NUMB: variants seen among roughly 807,000 people sequenced by gnomAD.
NUMB encodes the protein protein numb homolog.
NUMB carries 29 observed loss-of-function variants against 59.7 expected under a neutral mutation model. The ratio of observed to expected loss-of-function variants is 0.49; its 90% CI spans 0.36 to 0.66. The LOEUF (loss-of-function observed/expected upper bound fraction) is 0.66, where lower values mean the gene tolerates loss of function less well. Ranked by LOEUF, NUMB falls within the 30% of genes least tolerant of loss-of-function variation. The pLI is 0.00. For missense variants in NUMB, 723 were observed against 822.0 expected, an observed-to-expected ratio of 0.88 and a Z score of 1.47; for synonymous variants, 288 against 288.2, an observed-to-expected ratio of 1.00 and a Z score of 0.01.
intron 5 of NUMB, 34 bp downstream of exon 5, chr14:73,323,096 T>C (rs17126859): frequency 0.026 from 39,924 of 1,510,704 alleles, 2,627 homozygotes; most frequent in African/African-American, 0.18. Context: ...ATTGATAGCA[T>C]ATAGATCAAC....
At chr14:73,314,772 T>C (rs993524571) in intron 6 of NUMB, among the ~76,000 whole-genome samples, 1 of 152,024 alleles carries the variant, frequency 6.6e-6, no homozygotes, top group Admixed American at 6.6e-5. Flanking sequence ...TTATTAAAAC[T>C]AGTCACTTGA....
intron 2 of NUMB, among the ~76,000 whole-genome samples, chr14:73,372,279 A>G (rs10143634): frequency 0.049 from 6,616 of 136,230 alleles, 263 homozygotes; most frequent in East Asian, 0.14. Context: ...CTTAGCAAAC[A>G]AAGTTGGAAT....
At chr14:73,436,704 G>C (rs1185483347) in intron 1 of NUMB, among the ~76,000 whole-genome samples, 2 of 152,000 alleles carry the variant, frequency 1.3e-5, no homozygotes, top group Admixed American at 6.6e-5. Context: ...CTCTTGGCCG[G>C]GCGCGGTGGC....
At position 73,367,279 on chromosome 14, in the gene NUMB, C is replaced by CTATATATATATATA. The variant is rs748523624; in HGVS notation, c.-100-312_-100-299dup. Among the ~76,000 whole-genome samples the CTATATATATATATA allele has an allele frequency of 1.1e-4, 13 of 122,568 alleles. 1 individual carries two copies. The highest frequency in any genetic ancestry group is 4.3e-4 in the African/African-American group (11 of 25,512). 80.4% of individuals were successfully genotyped at this position (122,568 alleles called of 152,430 possible). A position where few individuals can be genotyped will look rare whatever the true frequency, so the allele number is the denominator to read the frequency against. On this transcript the variant is annotated intron_variant, in intron 2 of 12. Coordinates refer to ENST00000555238, the MANE Select transcript of NUMB (RefSeq NM_001005743.2). ...ATTATTCAATCTTTGAAATAAAATACTATATATATATATATATACACACAC... is the reference window on the plus strand; with the variant it reads ...ATTATTCAATCTTTGAAATAAAATACTATATATATATATATATATATATATATATATACACACAC...
At chr14:73,423,793 G>A (rs2140156233) in intron 1 of NUMB, among the ~76,000 whole-genome samples, 1 of 151,840 alleles carries the variant, frequency 6.6e-6, no homozygotes, top group Non-Finnish European at 1.5e-5. Flanking sequence ...CTGGGCGTCA[G>A]AGCAAGATTC....
chr14:73,444,001 G>C (rs1411328589), intron 1 of NUMB, among the ~76,000 whole-genome samples: 5 of 151,668 alleles, frequency 3.3e-5, no homozygotes, highest in African/African-American at 4.8e-5. Flanking sequence ...ACCACTTCCC[G>C]GGTTCAAGTG....
intron 6 of NUMB, among the ~76,000 whole-genome samples, chr14:73,314,948 A>C (rs948350823): frequency 6.6e-6 from 1 of 152,154 alleles, no homozygotes; most frequent in African/African-American, 2.4e-5. Context: ...CTACACAGGA[A>C]ATAATAAGAT....
At chr14:73,364,302 G>A (rs1337603363) in intron 3 of NUMB, among the ~76,000 whole-genome samples, 4 of 151,966 alleles carry the variant, frequency 2.6e-5, no homozygotes, top group African/African-American at 4.8e-5. Context: ...TCAGGAGTTC[G>A]AGACCAGCCT....
intron 4 of NUMB, among the ~76,000 whole-genome samples, chr14:73,351,536 CA>C (rs200496652): frequency 0.038 from 5,795 of 151,900 alleles, 158 homozygotes; most frequent in Non-Finnish European, 0.061. Context: ...ATACTTAACA[CA>C]AAAAATGCTT....
chr14:73,355,201 C>T (rs1893717327), intron 4 of NUMB, among the ~76,000 whole-genome samples: 1 of 152,058 alleles, frequency 6.6e-6, no homozygotes, highest in Admixed American at 6.6e-5. Context: ...AGGAAAACTC[C>T]CTTTGATTTA....
rs528397413 is a variant in NUMB at position 73,340,426 on chromosome 14, G to C, written c.126+15200C>G. Among the ~76,000 whole-genome samples, 5 of 152,206 alleles carry C rather than the reference G, an allele frequency of 3.3e-5. No homozygotes were observed. In the East Asian group the frequency reaches 7.7e-4, roughly 24 times the overall value. On this transcript the variant is annotated intron_variant, in intron 4 of 12. Coordinates refer to ENST00000555238, the MANE Select transcript of NUMB (RefSeq NM_001005743.2). ...TTACCTCAGGCTTTCCCCTCCCCCAGTGTGCCTGTCTCACATGCCTTGTCT... is the reference window on the plus strand; with the variant it reads ...TTACCTCAGGCTTTCCCCTCCCCCACTGTGCCTGTCTCACATGCCTTGTCT...
chr14:73,344,858 A>G (rs1023077782), intron 4 of NUMB, among the ~76,000 whole-genome samples: 5 of 152,262 alleles, frequency 3.3e-5, no homozygotes, highest in African/African-American at 4.8e-5. Flanking sequence ...ATGATTAGCT[A>G]GGATTCTACC....
chr14:73,329,969 A>T (rs1278181980), intron 4 of NUMB, among the ~76,000 whole-genome samples: 1 of 152,158 alleles, frequency 6.6e-6, no homozygotes, highest in Admixed American at 6.5e-5. Context: ...TGTACCTCTG[A>T]TGTTTGTATT....
intron 3 of NUMB, among the ~76,000 whole-genome samples, chr14:73,359,325 A>G (rs530317115): frequency 6.6e-6 from 1 of 152,326 alleles, no homozygotes; most frequent in Non-Finnish European, 1.5e-5. Flanking sequence ...CAGCCTGGGC[A>G]GCAGAGAATC....
chr14:73,429,738 TTTCA>T (rs1193885127), intron 1 of NUMB, among the ~76,000 whole-genome samples: 4 of 151,688 alleles, frequency 2.6e-5, no homozygotes, highest in Admixed American at 2.0e-4. Flanking sequence ...AGGCCAGGAG[TTTCA>T]GACCAGCCTG....
At chr14:73,287,352 C>A in intron 8 of NUMB, 38 bp from the exon 9 acceptor site, 1 of 1,487,948 alleles carries the variant, frequency 6.7e-7, no homozygotes, top group Non-Finnish European at 9.2e-7. Flanking sequence ...CAGAATTACA[C>A]TACTAACAAT....
chr14:73,350,474 G>A (rs115067604), intron 4 of NUMB, among the ~76,000 whole-genome samples: 4,962 of 151,462 alleles, frequency 0.033, 306 homozygotes, highest in African/African-American at 0.11. Flanking sequence ...TGCCCAGCCT[G>A]TGTCATTTTT....
chr14:73,318,389 A>G (rs1891198285), intron 5 of NUMB, among the ~76,000 whole-genome samples: 1 of 152,222 alleles, frequency 6.6e-6, no homozygotes, highest in Non-Finnish European at 1.5e-5. Flanking sequence ...TTACCTGCTA[A>G]AACAAGAACA....
At chr14:73,291,916 C>T (rs1889426681) in intron 8 of NUMB, among the ~76,000 whole-genome samples, 1 of 150,632 alleles carries the variant, frequency 6.6e-6, no homozygotes, top group South Asian at 2.1e-4. Context: ...GAACTCCTGA[C>T]CTCGTGATCC....
Sources: gnomAD v4.1 joint callset for allele counts (sites outside exome capture counted in the v4.1 genomes callset) on GRCh38, gnomAD v4.1.1 for gene constraint, MANE v1.5 for transcripts, NCBI Gene and HGNC (gene_info 2026-07-23, HGNC 2026-07-21) for gene names.